The following SOX5 variants were observed in gnomAD, a reference collection of about 807,000 sequenced individuals.
The protein encoded by SOX5 is transcription factor SOX-5.
In SOX5, 9 loss-of-function variants were observed where a neutral mutation model predicts 92.0. That is an observed-to-expected ratio of 0.10 (90% CI 0.06 to 0.17). The LOEUF is 0.17. SOX5 is among the 10% of genes least tolerant of loss of function. The pLI is 1.00. For missense variants in SOX5, 642 were observed against 944.5 expected, an observed-to-expected ratio of 0.68 and a Z score of 4.20; for synonymous variants, 344 against 336.3, an observed-to-expected ratio of 1.02 and a Z score of -0.25.
At chr12:23,704,930 C>A (rs182744321) in intron 6 of SOX5, among the ~76,000 whole-genome samples, 35 of 150,854 alleles carry the variant, frequency 2.3e-4, no homozygotes, top group African/African-American at 7.8e-4. Context: ...CAATATTATT[C>A]TAAAATTGTA....
Position 23,845,997 on chromosome 12 carries a change from T to C in SOX5, c.467A>G (p.Lys156Arg), listed in dbSNP as rs2096571064. Reference sequence around the variant, plus strand: ...CCAGCCTTTACCTTCCGGCTCGTTTTTGATGAGCTCTTCCATTTTCCTCTG... The same window carrying C: ...CCAGCCTTTACCTTCCGGCTCGTTTCTGATGAGCTCTTCCATTTTCCTCTG... ...LKQRKMEELI[K>R]NEPEETPSIE... Residue 156 changes from lysine to arginine, a missense_variant, in exon 3 of 15, where the codon AAA becomes AGA. By Grantham distance (26) the Lys-to-Arg change is conservative (BLOSUM62 2). This residue lies in a region of SOX5 where 324 missense variants were observed against 461.6 expected (regional missense o/e 0.70). Transcript: ENST00000451604. 1.9e-6 allele frequency: 3 copies of C among 1,613,902 alleles called. No individual in the cohort carries two copies. The highest frequency in any genetic ancestry group is 2.5e-6 in the Non-Finnish European group (3 of 1,179,908).
intron 6 of SOX5, among the ~76,000 whole-genome samples, chr12:23,686,799 A>C (rs935291998): frequency 1.3e-5 from 2 of 152,094 alleles, no homozygotes; most frequent in African/African-American, 4.8e-5. Flanking sequence ...AGGATGTAAA[A>C]TATGTGAAAA....
intron 1 of SOX5, among the ~76,000 whole-genome samples, chr12:24,506,838 T>C (rs1402937929): frequency 2.3e-5 from 3 of 129,738 alleles, no homozygotes; most frequent in Non-Finnish European, 4.7e-5. Context: ...TCGCCCAGGC[T>C]GGAGTGCAGT....
intron 1 of SOX5, among the ~76,000 whole-genome samples, chr12:23,917,444 T>A (rs549417627): frequency 1.3e-5 from 2 of 152,094 alleles, no homozygotes; most frequent in East Asian, 3.9e-4. Flanking sequence ...TTCCAGCTAC[T>A]CTGGTGGCTG....
chr12:23,770,055 T>TTG (rs2141506051), intron 3 of SOX5, among the ~76,000 whole-genome samples: 1 of 150,682 alleles, frequency 6.6e-6, no homozygotes, highest in Non-Finnish European at 1.5e-5. Context: ...TCTGTTTTTT[T>TTG]TTTTTTTTTT....
At chr12:24,557,172 G>A (rs572549335) in intron 1 of SOX5, among the ~76,000 whole-genome samples, 3 of 152,166 alleles carry the variant, frequency 2.0e-5, no homozygotes, top group Admixed American at 6.5e-5. Context: ...GGAGGATCAC[G>A]AGGTCAGGAG....
chr12:23,582,491 CCTT>C (rs1161732555), intron 9 of SOX5, among the ~76,000 whole-genome samples: 2 of 152,158 alleles, frequency 1.3e-5, no homozygotes, highest in Non-Finnish European at 2.9e-5. Flanking sequence ...CATCCCAACT[CCTT>C]ATTAGTAGGT....
intron 11 of SOX5, among the ~76,000 whole-genome samples, chr12:23,557,355 AAAGG>A (rs1945358135): frequency 6.6e-6 from 1 of 152,224 alleles, no homozygotes; most frequent in Admixed American, 6.5e-5. Context: ...CTCAGCAGAA[AAAGG>A]AAGACATTTT....
At chr12:24,487,908 G>A (rs1946680178) in intron 1 of SOX5, among the ~76,000 whole-genome samples, 1 of 151,984 alleles carries the variant, frequency 6.6e-6, no homozygotes, top group Non-Finnish European at 1.5e-5. Flanking sequence ...ACAACGCAAG[G>A]ATTCAGTACG....
intron 1 of SOX5, among the ~76,000 whole-genome samples, chr12:24,559,711 T>C (rs1954151601): frequency 6.6e-6 from 1 of 152,170 alleles, no homozygotes; most frequent in African/African-American, 2.4e-5. Context: ...ACCAAAAAGA[T>C]GACAACATAC....
At chr12:23,620,855 C>A (rs1007885512) in intron 8 of SOX5, among the ~76,000 whole-genome samples, 1 of 151,990 alleles carries the variant, frequency 6.6e-6, no homozygotes, top group African/African-American at 2.4e-5. Context: ...TTGATGCATT[C>A]ATTTAATAAA....
At chr12:24,550,613 T>C (rs1953062359) in intron 1 of SOX5, among the ~76,000 whole-genome samples, 1 of 152,206 alleles carries the variant, frequency 6.6e-6, no homozygotes, top group Non-Finnish European at 1.5e-5. Context: ...GGAAAGATTA[T>C]GTTGAAAATA....
chr12:23,713,091 A>C (rs534977652), intron 6 of SOX5, among the ~76,000 whole-genome samples: 1 of 152,326 alleles, frequency 6.6e-6, no homozygotes, highest in South Asian at 2.1e-4. Context: ...ATCAAAGAGT[A>C]GTTTCCTTAT....
Position 24,047,525 on chromosome 12 carries a change from A to G in SOX5, c.-1-151501T>C, listed in dbSNP as rs78384703. Among the ~76,000 whole-genome samples, 97 of 152,304 alleles carry G rather than the reference A, an allele frequency of 6.4e-4. 3 individuals are homozygous for G. The East Asian group carries it at 0.018, about 28-fold the overall frequency. On this transcript the variant is annotated intron_variant, in intron 4 of 4. Coordinates refer to the SOX5 transcript ENST00000446891. ...ATGCTGAAGTCAGAAGGAAATTCCT[A>G]ATGATATCTTAAAGACTGTAGGCGT...
In SOX5 at chr12:23,871,915, G is replaced by T. The variant is rs533661073; in HGVS notation, c.270+23878C>A. Among the ~76,000 whole-genome samples the T allele has an allele frequency of 3.3e-5, 5 of 151,584 alleles. No individual in the cohort carries two copies. The South Asian group carries it at 1.0e-3, about 32-fold the overall frequency. ...TCTCCCCAACTATCTTTTCTTTCCT[G>T]TGATTATTCTAAGAATACTTGAGAG... On this transcript the variant is annotated intron_variant, in intron 2 of 14. Transcript: ENST00000451604.
At chr12:24,287,974 C>T (rs1285821723) in intron 2 of SOX5, among the ~76,000 whole-genome samples, 1 of 152,102 alleles carries the variant, frequency 6.6e-6, no homozygotes, top group African/African-American at 2.4e-5. Context: ...TTTTGGAATC[C>T]CTCAAACTAT....
chr12:23,780,871 G>A (rs919528153), intron 3 of SOX5, among the ~76,000 whole-genome samples: 1 of 152,184 alleles, frequency 6.6e-6, no homozygotes, highest in East Asian at 1.9e-4. Context: ...CTGGTAGGGA[G>A]TGGCAGTAAT....
chr12:24,464,679 G>A (rs535235816), intron 1 of SOX5, among the ~76,000 whole-genome samples: 3 of 152,258 alleles, frequency 2.0e-5, no homozygotes, highest in South Asian at 4.1e-4. Flanking sequence ...CTATGTGCAC[G>A]CACTCTTCTA....
intron 4 of SOX5, among the ~76,000 whole-genome samples, chr12:24,158,108 AT>A (rs1565553711): frequency 1.3e-5 from 2 of 152,196 alleles, no homozygotes; most frequent in East Asian, 3.9e-4. Flanking sequence ...AATCCAACAC[AT>A]TTAGAAAACC....
Sources: allele counts gnomAD v4.1 joint callset (sites outside exome capture counted in the v4.1 genomes callset), GRCh38; gene constraint gnomAD v4.1.1; regional missense constraint gnomAD v4.1.1; transcripts MANE v1.5; gene names NCBI Gene and HGNC (gene_info 2026-07-23, HGNC 2026-07-21).